The following TRPV4 variants were observed in gnomAD, a reference collection of about 807,000 sequenced individuals.
TRPV4 encodes transient receptor potential cation channel subfamily V member 4.
Under a neutral mutation model 84.1 loss-of-function variants are expected in TRPV4, and 58 were observed. That is an observed-to-expected ratio of 0.69 (90% confidence interval 0.56 to 0.86). The LOEUF is 0.86. Among genes scored for constraint, TRPV4 ranks in the 40% least tolerant of loss-of-function variants. TRPV4 has a pLI of 0.00. For synonymous variants in TRPV4, 489 were observed against 500.9 expected, an observed-to-expected ratio of 0.98 and a Z score of 0.32; for missense variants, 879 against 1,181.1, an observed-to-expected ratio of 0.74 and a Z score of 3.75.
intron 13 of TRPV4, among the ~76,000 whole-genome samples, chr12:109,788,067 C>A (rs75598642): frequency 0.032 from 4,935 of 152,292 alleles, 279 homozygotes; most frequent in African/African-American, 0.11. Context: ...GCGTGGGACC[C>A]CTGCTGAAAC....
rs1412365818 is a variant in TRPV4, at chr12:109,786,574, T to A, written c.2336+136A>T. On this transcript the variant is annotated intron_variant, in intron 14 of 15. Transcript: ENST00000261740. This position sits in a 1 kb window ranked among gnomAD's most constrained non-coding sequence, Gnocchi z 4.5. ...CTTGCCTGAGATCGCCTGGTGGAAA[T>A]GAACTCTGCTCGGGCCTCTTGGGGC... 3.4e-5 allele frequency: 39 copies of A among 1,159,350 alleles called. No homozygotes were observed. The allele number at this position is 1,159,350 out of a possible 1,614,324, so 71.8% of individuals were successfully genotyped here.
At chr12:109,827,144 C>T (rs1892272780) in intron 1 of TRPV4, among the ~76,000 whole-genome samples, 1 of 152,210 alleles carries the variant, frequency 6.6e-6, no homozygotes, top group Non-Finnish European at 1.5e-5. Flanking sequence ...AGCTTCCTCC[C>T]ATCCATTTTT....
chr12:109,811,938 C>T (rs143145385), intron 2 of TRPV4, among the ~76,000 whole-genome samples: 156 of 151,900 alleles, frequency 1.0e-3, no homozygotes, highest in African/African-American at 1.6e-3. Flanking sequence ...ACAGCAGGGC[C>T]GGGACATAGA....
intron 2 of TRPV4, among the ~76,000 whole-genome samples, chr12:109,812,413 A>G (rs1429853735): frequency 6.6e-6 from 1 of 152,232 alleles, no homozygotes; most frequent in African/African-American, 2.4e-5. Context: ...AAGCCTCAGG[A>G]AAGCCACTGG....
chr12:109,794,588 C>T lies in TRPV4; in HGVS notation c.1333-101G>A, dbSNP rs979667619. 2.4e-5 allele frequency: 31 copies of T among 1,269,718 alleles called. No homozygotes were observed. The African/African-American group carries it at 3.1e-4, about 13-fold the overall frequency. 78.7% of individuals were successfully genotyped at this position (1,269,718 alleles called of 1,614,324 possible). ...CTTCCCCCACCCTCCACCCGGACAGCGCTTTCTCTTTCCATCCATTCCTCA... is the reference window on the plus strand; with the variant it reads ...CTTCCCCCACCCTCCACCCGGACAGTGCTTTCTCTTTCCATCCATTCCTCA... On this transcript the variant is annotated intron_variant, in intron 7 of 15. Coordinates refer to ENST00000261740, the MANE Select transcript of TRPV4 (RefSeq NM_021625.5).
chr12:109,792,243 C>CA lies in TRPV4; in HGVS notation c.1891+119dup, dbSNP rs768558199. ...GGGCAACAGGAGCAAAACTCCACCT[C>CA]AAAAAAAAAAAAAAAAAAAAAAGAA... On this transcript the variant is annotated intron_variant, in intron 12 of 15. Transcript: ENST00000261740. 12,440 of 374,180 alleles carry CA rather than the reference C, an allele frequency of 0.033. 35 individuals carry two copies. The highest frequency in any genetic ancestry group is 0.035 in the African/African-American group (613 of 17,314). The allele number at this position is 374,180 out of a possible 1,614,324, so 23.2% of individuals were successfully genotyped here. A position where few individuals can be genotyped will look rare whatever the true frequency, so the allele number is the denominator to read the frequency against.
intron 4 of TRPV4, 122 bp downstream of exon 4, chr12:109,802,869 T>TCCA: frequency 4.8e-5 from 47 of 986,362 alleles, no homozygotes; most frequent in Non-Finnish European, 6.3e-5. Context: ...CATCCATCCA[T>TCCA]TTGTCAGGTC....
At chr12:109,819,850 C>T (rs148654150) in intron 1 of TRPV4, among the ~76,000 whole-genome samples, 389 of 152,366 alleles carry the variant, frequency 2.6e-3, no homozygotes, top group African/African-American at 9.1e-3. Flanking sequence ...GCATGAGCCA[C>T]TGCGCCCAGC....
At position 109,794,457 on chromosome 12, in the gene TRPV4, T is replaced by C; in HGVS notation, c.1363A>G (p.Ile455Val). The C allele has an allele frequency of 6.2e-7, 1 of 1,613,972 alleles. No individual in the cohort carries two copies. The highest frequency in any genetic ancestry group is 8.5e-7 in the Non-Finnish European group (1 of 1,179,982). Reference protein sequence around the residue: ...NRHEMLAVEPINELLRDKWRK... With the variant: ...NRHEMLAVEPVNELLRDKWRK... ...CACTTGTCCCGCAGCAGTTCATTGA[T>C]GGGCTCCACAGCCAGCATCTCGTGG... The change falls in exon 8 of 16, where the codon ATC becomes GTC. Residue 455 changes from isoleucine (I) to valine (V), a missense_variant. By Grantham distance (29) the Ile-to-Val change is conservative (BLOSUM62 3). This residue lies in a region of TRPV4 where 521 missense variants were observed against 686.6 expected (regional missense o/e 0.76). Coordinates refer to ENST00000261740, the MANE Select transcript of TRPV4 (RefSeq NM_021625.5).
chr12:109,824,512 T>G (rs575004176), intron 1 of TRPV4, among the ~76,000 whole-genome samples: 5 of 151,854 alleles, frequency 3.3e-5, no homozygotes, highest in Admixed American at 3.3e-4. Context: ...TCCCAGCACT[T>G]TGGGAGACCG....
rs920534973 is a variant in TRPV4, at chr12:109,815,496, G to A, written c.-31-669C>T. ...AGGAAACTGAGGCTCCAATACTTGA[G>A]TTGACTTCCCCAGTGCACAAACTCT... On this transcript the variant is annotated intron_variant, in intron 1 of 15. Transcript: ENST00000261740. This position sits in a 1 kb window ranked among gnomAD's most constrained non-coding sequence, Gnocchi z 4.1. 3.3e-5 allele frequency among the ~76,000 whole-genome samples: 5 copies of A among 152,220 alleles called. No individual in the cohort carries two copies. Among genetic ancestry groups the A allele is most frequent in the African/African-American group, 1.2e-4 (5 of 41,452 alleles).
At position 109,798,764 on chromosome 12, in the gene TRPV4, G is replaced by A. The variant is rs1034780415; in HGVS notation, c.1002C>T (p.Asn334=). 26 of 1,614,088 alleles carry A rather than the reference G, an allele frequency of 1.6e-5. No individual in the cohort carries two copies. Among genetic ancestry groups the A allele is most frequent in the Non-Finnish European group, 2.2e-5 (26 of 1,180,054 alleles). ...TAACAAACTTGGTGTTCTCACGGGT[G>A]TTGTCAGCAATGGCCACCAGCGCAT... ...VLHALVAIAD[N]TRENTKFVTK... Residue 334 remains asparagine, a synonymous_variant, in exon 6 of 16, where the codon AAC becomes AAT. Coordinates refer to ENST00000261740, the MANE Select transcript of TRPV4 (RefSeq NM_021625.5). The surrounding 1 kb of genome is among the most constrained non-coding windows in gnomAD (Gnocchi z 5.0).
intron 1 of TRPV4, among the ~76,000 whole-genome samples, chr12:109,823,025 C>T (rs1423749841): frequency 6.6e-6 from 1 of 152,208 alleles, no homozygotes; most frequent in East Asian, 1.9e-4. Flanking sequence ...GAGGTAGACT[C>T]TGGCAGCCAC....
chr12:109,814,589 T>C lies in TRPV4; in HGVS notation c.208A>G (p.Lys70Glu). The C allele has an allele frequency of 6.2e-7, 1 of 1,613,880 alleles. No homozygotes were observed. The highest frequency in any genetic ancestry group is 8.5e-7 in the Non-Finnish European group (1 of 1,179,960). The part of the protein sequence containing the change: ...PGDGRPNLRM[K>E]FQGAFRKGVP... ...CCCTTGCGGAAGGCGCCCTGGAACT[T>C]CATGCGCAGATTTGGTCGCCCATCG... is the stretch of plus-strand genomic sequence containing the variant. Residue 70 changes from lysine to glutamate, a missense_variant, in exon 2 of 16, where the codon AAG (lysine) becomes GAG (glutamate). Physicochemically the swap from Lys to Glu is moderately conservative, Grantham distance 56. Transcript: ENST00000261740. This position sits in a 1 kb window ranked among gnomAD's most constrained non-coding sequence, Gnocchi z 5.4.
chr12:109,816,497 G>C (rs1356518065), intron 1 of TRPV4, among the ~76,000 whole-genome samples: 1 of 152,172 alleles, frequency 6.6e-6, no homozygotes, highest in Non-Finnish European at 1.5e-5. Context: ...TGGGGTTTTG[G>C]CTCAGTGCAG....
Position 109,796,016 on chromosome 12 carries a change from C to G in TRPV4, c.1332+509G>C, listed in dbSNP as rs1018946851. On this transcript the variant is annotated intron_variant, in intron 7 of 15. Transcript: ENST00000261740. The surrounding 1 kb of genome is among the most constrained non-coding windows in gnomAD (Gnocchi z 4.2). ...TCAAGCAATCCGCCCACCTTGGCTC[C>G]CCAAAATGCTAGAATTACAGGCATA... Among the ~76,000 whole-genome samples the G allele has an allele frequency of 6.6e-6, 1 of 151,998 alleles. No individual in the cohort carries two copies. The highest frequency in any genetic ancestry group is 2.4e-5 in the African/African-American group (1 of 41,350).
chr12:109,794,886 T>C (rs2136488933), intron 7 of TRPV4, among the ~76,000 whole-genome samples: 1 of 152,168 alleles, frequency 6.6e-6, no homozygotes, highest in African/African-American at 2.4e-5. Flanking sequence ...GGCGTGGTGG[T>C]GCACACCTGT....
At position 109,814,212 on chromosome 12, in the gene TRPV4, G is replaced by A. The variant is rs997131070; in HGVS notation, c.386+199C>T. Reference sequence around the variant, plus strand: ...TGGATGGATGGACGAATAGATGGGTGGTTGGATGGATGGATGGACGGATGA... The same window carrying A: ...TGGATGGATGGACGAATAGATGGGTAGTTGGATGGATGGATGGACGGATGA... On this transcript the variant is annotated intron_variant, in intron 2 of 15. Transcript: ENST00000261740. The surrounding 1 kb of genome is among the most constrained non-coding windows in gnomAD (Gnocchi z 5.4). 2.6e-5 allele frequency among the ~76,000 whole-genome samples: 4 copies of A among 151,452 alleles called. 1 individual carries two copies. The highest frequency in any genetic ancestry group is 9.7e-5 in the African/African-American group (4 of 41,210).
At chr12:109,808,261 C>T in intron 3 of TRPV4, 35 bp downstream of exon 3, 1 of 1,612,594 alleles carries the variant, frequency 6.2e-7, no homozygotes, top group Non-Finnish European at 8.5e-7. Flanking sequence ...ACACCCCTGG[C>T]TGTCCCACTG....
Sources: gnomAD v4.1 joint callset for allele counts (sites outside exome capture counted in the v4.1 genomes callset) on GRCh38, gnomAD v4.1.1 for gene constraint, gnomAD v4.1.1 regional missense constraint, Gnocchi (gnomAD v3.1) non-coding constraint, MANE v1.5 for transcripts, NCBI Gene and HGNC (gene_info 2026-07-23, HGNC 2026-07-21) for gene names.